KCTD12: variants seen among roughly 807,000 people sequenced by gnomAD.
KCTD12 encodes the protein BTB/POZ domain-containing protein KCTD12.
KCTD12 carries 16 observed loss-of-function variants against 22.6 expected under a neutral mutation model. The observed-to-expected ratio is 0.71, with a 90% CI of 0.48 to 1.07. The LOEUF (loss-of-function observed/expected upper bound fraction) is 1.07, where lower values mean the gene tolerates loss of function less well. Ranked by LOEUF, KCTD12 falls within the 50% of genes least tolerant of loss-of-function variation. The pLI is 0.00. For synonymous variants in KCTD12, 260 were observed against 228.0 expected (o/e 1.14, Z -1.26); for missense variants, 452 against 469.2 (o/e 0.96, Z 0.34).
In KCTD12 at chr13:76,885,575, C is replaced by T. The variant is rs993844748; in HGVS notation, c.574G>A (p.Gly192Ser). Reference sequence around the variant, plus strand: ...GACTGGGACGGCGTGAGCAGCGGGCCCGCCGCGCCCCCGGACGGACTGCGG... The same window carrying T: ...GACTGGGACGGCGTGAGCAGCGGGCTCGCCGCGCCCCCGGACGGACTGCGG... ...ASRSPSGGAA[G>S]PLLTPSQSLD... is the part of the protein sequence containing the mutation. Residue 192 changes from glycine (G) to serine (S), a missense_variant, in exon 1 of 1, where the codon GGC (glycine) becomes AGC (serine). Around this residue, in one of 2 missense-constraint regions of KCTD12, gnomAD observed 330 missense variants for 296.5 expected, o/e 1.11. Coordinates refer to ENST00000377474, the MANE Select transcript of KCTD12 (RefSeq NM_138444.4). This position sits in a 1 kb window ranked among gnomAD's most constrained non-coding sequence, Gnocchi z 5.1. 10 of 1,540,304 alleles carry T rather than the reference C, an allele frequency of 6.5e-6. No individual in the cohort carries two copies. The highest frequency in any genetic ancestry group is 7.8e-6 in the Non-Finnish European group (9 of 1,148,794).
Position 76,886,026 on chromosome 13 carries a change from C to T in KCTD12, c.123G>A (p.Gly41=). The change falls in exon 1 of 1, where the codon GGG becomes GGA. Residue 41 remains glycine, a synonymous_variant. Coordinates refer to ENST00000377474, the MANE Select transcript of KCTD12 (RefSeq NM_138444.4). ...AGCGCCGGGTCACGTACACCTGGCC[C>T]CCCACGTTCAGCTCCACGATGTCGG... The part of the protein sequence containing the change: ...LFPDIVELNV[G]GQVYVTRRCT... The T allele has an allele frequency of 6.3e-7, 1 of 1,589,842 alleles. No individual in the cohort carries two copies. Among genetic ancestry groups the T allele is most frequent in the Non-Finnish European group, 8.5e-7 (1 of 1,172,322 alleles).
chr13:76,881,968 C>G lies in KCTD12; in HGVS notation c.*3203G>C, dbSNP rs944727948. On this transcript the variant is annotated 3_prime_UTR_variant, in exon 1 of 1. Coordinates refer to ENST00000377474, the MANE Select transcript of KCTD12 (RefSeq NM_138444.4). ...TAGGGCAACATATGTAAATGCATGC[C>G]TCTGAATCAGATTCATGCAGTGTTA... 7.9e-5 allele frequency: 12 copies of G among 151,974 alleles called. No homozygotes were observed. The highest frequency in any genetic ancestry group is 1.6e-4 in the Non-Finnish European group (11 of 68,012). The allele number at this position is 151,974 out of a possible 1,614,324, so 9.4% of individuals were successfully genotyped here.
Position 76,885,166 on chromosome 13 carries a change from G to A in KCTD12, c.*5C>T, listed in dbSNP as rs747256694. Reference sequence around the variant, plus strand: ...GCGCTGGAGTGGCGAGGGGGTCTGGGGAGCTCACTCCCTGCAGAAGACGTA... The same window carrying A: ...GCGCTGGAGTGGCGAGGGGGTCTGGAGAGCTCACTCCCTGCAGAAGACGTA... On this transcript the variant is annotated 3_prime_UTR_variant, in exon 1 of 1. Transcript: ENST00000377474. This position sits in a 1 kb window ranked among gnomAD's most constrained non-coding sequence, Gnocchi z 5.1. 6.2e-6 allele frequency: 10 copies of A among 1,610,050 alleles called. No individual in the cohort carries two copies. In the South Asian group the frequency reaches 9.9e-5, roughly 16 times the overall value.
At position 76,885,738 on chromosome 13, in the gene KCTD12, C is replaced by T; in HGVS notation, c.411G>A (p.Pro137=). The T allele has an allele frequency of 7.0e-7, 1 of 1,425,320 alleles. No individual in the cohort carries two copies. Among genetic ancestry groups the T allele is most frequent in the Non-Finnish European group, 9.1e-7 (1 of 1,103,286 alleles). 88.3% of individuals were successfully genotyped at this position (1,425,320 alleles called of 1,614,324 possible). Residue 137 remains proline, a synonymous_variant, in exon 1 of 1, where the codon CCG becomes CCA. Transcript: ENST00000377474. This position sits in a 1 kb window ranked among gnomAD's most constrained non-coding sequence, Gnocchi z 5.1. ...RRLGAPQQPG[P]GPPPSRRGVH... ...CCCCGCGCCGCGAGGGCGGCGGCCCCGGGCCGGGCTGCTGGGGCGCCCCGA... is the reference window on the plus strand; with the variant it reads ...CCCCGCGCCGCGAGGGCGGCGGCCCTGGGCCGGGCTGCTGGGGCGCCCCGA...
rs2033235232 is a variant in KCTD12 at position 76,884,212 on chromosome 13, T to C, written c.*959A>G. The stretch of plus-strand genomic sequence containing the variant: ...TCTTACAGCTAAAGGAAGGTCCTAC[T>C]GACATTCATTGAAAGAATACAGGCT... On this transcript the variant is annotated 3_prime_UTR_variant, in exon 1 of 1. Transcript: ENST00000377474. The C allele has an allele frequency of 8.5e-6, 1 of 117,978 alleles. No individual in the cohort carries two copies. Among genetic ancestry groups the C allele is most frequent in the Admixed American group, 1.2e-4 (1 of 8,364 alleles). 7.3% of individuals were successfully genotyped at this position (117,978 alleles called of 1,614,324 possible). A position where few individuals can be genotyped will look rare whatever the true frequency, so the allele number is the denominator to read the frequency against.
rs1156342258 is a variant in KCTD12 at position 76,883,618 on chromosome 13, T to C, written c.*1553A>G. On this transcript the variant is annotated 3_prime_UTR_variant, in exon 1 of 1. Transcript: ENST00000377474. The stretch of plus-strand genomic sequence containing the variant: ...GTACTTATTTGCCTTCATTTAAAAA[T>C]ATTCCATTTTACAGCTATCTACAGA... The C allele has an allele frequency of 1.3e-5, 2 of 152,672 alleles. No individual in the cohort carries two copies. The highest frequency in any genetic ancestry group is 4.8e-5 in the African/African-American group (2 of 41,466). 9.5% of individuals were successfully genotyped at this position (152,672 alleles called of 1,614,324 possible).
At position 76,881,361 on chromosome 13, in the gene KCTD12, G is replaced by A; in HGVS notation, c.*3810C>T. 6.6e-6 allele frequency: 1 copy of A among 152,528 alleles called. No individual in the cohort carries two copies. Among genetic ancestry groups the A allele is most frequent in the East Asian group, 1.9e-4 (1 of 5,194 alleles). The allele number at this position is 152,528 out of a possible 1,614,324, so 9.4% of individuals were successfully genotyped here. ...TGTCTGCATTGTAATTTAGCATTTT[G>A]CATGTGGGAGTACACAAATGAATTG... On this transcript the variant is annotated 3_prime_UTR_variant, in exon 1 of 1. Coordinates refer to ENST00000377474, the MANE Select transcript of KCTD12 (RefSeq NM_138444.4).
Position 76,884,048 on chromosome 13 carries a change from TATG to T in KCTD12, c.*1120_*1122del, listed in dbSNP as rs1257196597. 3.9e-5 allele frequency: 6 copies of T among 152,690 alleles called. No individual in the cohort carries two copies. Among genetic ancestry groups the T allele is most frequent in the Non-Finnish European group, 2.9e-5 (2 of 68,038 alleles). The allele number at this position is 152,690 out of a possible 1,614,324, so 9.5% of individuals were successfully genotyped here. A position where few individuals can be genotyped will look rare whatever the true frequency, so the allele number is the denominator to read the frequency against. ...ATACTTGGCATGTTTGCATTTACTA[TATG>T]ATATTTTTTAAATGTGCATATACTC... On this transcript the variant is annotated 3_prime_UTR_variant, in exon 1 of 1. Coordinates refer to ENST00000377474, the MANE Select transcript of KCTD12 (RefSeq NM_138444.4).
Position 76,886,253 on chromosome 13 carries a change from T to C in KCTD12, c.-105A>G. On this transcript the variant is annotated 5_prime_UTR_variant, in exon 1 of 1. Coordinates refer to ENST00000377474, the MANE Select transcript of KCTD12 (RefSeq NM_138444.4). ...CGGAACCCGGACGCTCGCTCAGCCC[T>C]GCGCCCCGCCGCCGCCGCCGCCGCC... 7.8e-7 allele frequency: 1 copy of C among 1,275,138 alleles called. No homozygotes were observed. Among genetic ancestry groups the C allele is most frequent in the Non-Finnish European group, 1.0e-6 (1 of 1,001,342 alleles). 79.0% of individuals were successfully genotyped at this position (1,275,138 alleles called of 1,614,324 possible).
rs2033232853 is a variant in KCTD12, at chr13:76,884,080, C to T, written c.*1091G>A. On this transcript the variant is annotated 3_prime_UTR_variant, in exon 1 of 1. Coordinates refer to ENST00000377474, the MANE Select transcript of KCTD12 (RefSeq NM_138444.4). ...TTTTTTAAATGTGCATATACTCAAA[C>T]AGATGGTACAAACTTCCAACTTTCA... 1 of 152,404 alleles carries T rather than the reference C, an allele frequency of 6.6e-6. No individual in the cohort carries two copies. Among genetic ancestry groups the T allele is most frequent in the South Asian group, 2.1e-4 (1 of 4,828 alleles). 9.4% of individuals were successfully genotyped at this position (152,404 alleles called of 1,614,324 possible).
In KCTD12 at chr13:76,884,458, T is replaced by C. The variant is rs1172967043; in HGVS notation, c.*713A>G. 6.6e-6 allele frequency: 1 copy of C among 152,230 alleles called. No homozygotes were observed. The allele number at this position is 152,230 out of a possible 1,614,324, so 9.4% of individuals were successfully genotyped here. A position where few individuals can be genotyped will look rare whatever the true frequency, so the allele number is the denominator to read the frequency against. ...CTGCAGGCAGGCGGATCACTTTCTA[T>C]AAGTTTAAGCTACAGGCTGAGACCT... is the stretch of plus-strand genomic sequence containing the variant. On this transcript the variant is annotated 3_prime_UTR_variant, in exon 1 of 1. Coordinates refer to ENST00000377474, the MANE Select transcript of KCTD12 (RefSeq NM_138444.4).
Position 76,884,944 on chromosome 13 carries a change from G to A in KCTD12, c.*227C>T. The A allele has an allele frequency of 1.9e-6, 1 of 531,550 alleles. No individual in the cohort carries two copies. The allele number at this position is 531,550 out of a possible 1,614,324, so 32.9% of individuals were successfully genotyped here. ...GGGGGTGGGGTGGGGGTTCCTCTGG[G>A]TTCTCTCGGTTCAGGAGGTCCAAAG... On this transcript the variant is annotated 3_prime_UTR_variant, in exon 1 of 1. Transcript: ENST00000377474.
Position 76,885,137 on chromosome 13 carries a change from C to G in KCTD12, c.*34G>C. 1 of 1,593,358 alleles carries G rather than the reference C, an allele frequency of 6.3e-7. No individual in the cohort carries two copies. Among genetic ancestry groups the G allele is most frequent in the Non-Finnish European group, 8.6e-7 (1 of 1,167,846 alleles). On this transcript the variant is annotated 3_prime_UTR_variant, in exon 1 of 1. Coordinates refer to ENST00000377474, the MANE Select transcript of KCTD12 (RefSeq NM_138444.4). This position sits in a 1 kb window ranked among gnomAD's most constrained non-coding sequence, Gnocchi z 5.1. ...AATCATCTCTCGGGCAGGAGAAGGA[C>G]TGGGCGCTGGAGTGGCGAGGGGGTC...
chr13:76,883,907 T>G lies in KCTD12; in HGVS notation c.*1264A>C, dbSNP rs2033230703. The G allele has an allele frequency of 6.6e-6, 1 of 152,638 alleles. No individual in the cohort carries two copies. Among genetic ancestry groups the G allele is most frequent in the Non-Finnish European group, 1.5e-5 (1 of 68,036 alleles). 9.5% of individuals were successfully genotyped at this position (152,638 alleles called of 1,614,324 possible). On this transcript the variant is annotated 3_prime_UTR_variant, in exon 1 of 1. Coordinates refer to ENST00000377474, the MANE Select transcript of KCTD12 (RefSeq NM_138444.4). ...AAAAGTTCAAAAACTAAAACCCTACTGGGTAACTCTTTGGTTAGATTATAT... is the reference window on the plus strand; with the variant it reads ...AAAAGTTCAAAAACTAAAACCCTACGGGGTAACTCTTTGGTTAGATTATAT...
chr13:76,886,098 C>G lies in KCTD12; in HGVS notation c.51G>C (p.Gly17=). ...AGGACGACGAGGAGCCACTGCCGCC[C>G]CCGCCGCCGCCCCCGTTGGGTAATC... The part of the protein sequence containing the change: ...TRGLPNGGGG[G]GGSGSSSSSA... The change falls in exon 1 of 1, where the codon GGG becomes GGC. Residue 17 remains glycine (G), a synonymous_variant. Transcript: ENST00000377474. The G allele has an allele frequency of 6.5e-7, 1 of 1,543,558 alleles. No homozygotes were observed. Among genetic ancestry groups the G allele is most frequent in the African/African-American group, 1.4e-5 (1 of 72,762 alleles).
In KCTD12 at chr13:76,886,355, C is replaced by T. The variant is rs974648408; in HGVS notation, c.-207G>A. 2.2e-5 allele frequency: 9 copies of T among 400,230 alleles called. 1 individual carries two copies. Among genetic ancestry groups the T allele is most frequent in the African/African-American group, 1.5e-4 (7 of 46,812 alleles). The allele number at this position is 400,230 out of a possible 1,614,324, so 24.8% of individuals were successfully genotyped here. A position where few individuals can be genotyped will look rare whatever the true frequency, so the allele number is the denominator to read the frequency against. On this transcript the variant is annotated 5_prime_UTR_variant, in exon 1 of 1. Coordinates refer to ENST00000377474, the MANE Select transcript of KCTD12 (RefSeq NM_138444.4). The stretch of plus-strand genomic sequence containing the variant: ...GGTGCGAGCGCGCCGCTGTGCGCCC[C>T]CTTGAGTTCCAGTGCGCTCCGCCCG...
rs1429766580 is a variant in KCTD12, at chr13:76,882,699, AATT to A, written c.*2469_*2471del. 1 of 152,170 alleles carries A rather than the reference AATT, an allele frequency of 6.6e-6. No individual in the cohort carries two copies. The highest frequency in any genetic ancestry group is 1.5e-5 in the Non-Finnish European group (1 of 68,020). 9.4% of individuals were successfully genotyped at this position (152,170 alleles called of 1,614,324 possible). ...TTTTGGTCAGTGAATCAGAGTCCTA[AATT>A]ATTTCAGGCTTCAAACAGATGAATT... On this transcript the variant is annotated 3_prime_UTR_variant, in exon 1 of 1. Coordinates refer to ENST00000377474, the MANE Select transcript of KCTD12 (RefSeq NM_138444.4).
Position 76,884,612 on chromosome 13 carries a change from G to C in KCTD12, c.*559C>G, listed in dbSNP as rs1454367981. 1 of 152,684 alleles carries C rather than the reference G, an allele frequency of 6.5e-6. No homozygotes were observed. Among genetic ancestry groups the C allele is most frequent in the Non-Finnish European group, 1.5e-5 (1 of 68,454 alleles). The allele number at this position is 152,684 out of a possible 1,614,324, so 9.5% of individuals were successfully genotyped here. On this transcript the variant is annotated 3_prime_UTR_variant, in exon 1 of 1. Coordinates refer to ENST00000377474, the MANE Select transcript of KCTD12 (RefSeq NM_138444.4). ...CCATGGGGTCCTAATTCCAGGCTCA[G>C]AATCTTCCATCCAGCCTTCTAAAAC...
At position 76,886,294 on chromosome 13, in the gene KCTD12, ACCGCCGCCACCTCCTAGAGCCG is replaced by A; in HGVS notation, c.-168_-147del. ...CGCCGCCGCCACCGCCGCCACCGCC[ACCGCCGCCACCTCCTAGAGCCG>A]CGCGGAGCCGAGCGGTGCGAGCGCG... On this transcript the variant is annotated 5_prime_UTR_variant, in exon 1 of 1. Transcript: ENST00000377474. 3.2e-6 allele frequency: 3 copies of A among 928,542 alleles called. No homozygotes were observed. The highest frequency in any genetic ancestry group is 4.3e-6 in the Non-Finnish European group (3 of 695,780). 57.5% of individuals were successfully genotyped at this position (928,542 alleles called of 1,614,324 possible). A position where few individuals can be genotyped will look rare whatever the true frequency, so the allele number is the denominator to read the frequency against.
Sources: gnomAD v4.1 joint callset for allele counts on GRCh38, gnomAD v4.1.1 for gene constraint, gnomAD v4.1.1 regional missense constraint, Gnocchi (gnomAD v3.1) non-coding constraint, MANE v1.5 for transcripts, NCBI Gene and HGNC (gene_info 2026-07-23, HGNC 2026-07-21) for gene names.